Variants in PDGFB observed in about 807,000 individuals in gnomAD.
The protein encoded by PDGFB is platelet derived growth factor subunit B.
In PDGFB, 6 loss-of-function variants were observed where a neutral mutation model predicts 29.0. The ratio of observed to expected loss-of-function variants is 0.21; its 90% confidence interval spans 0.11 to 0.41. PDGFB has a LOEUF of 0.41. PDGFB is among the 10% of genes least tolerant of loss of function. PDGFB has a pLI of 1.00. For synonymous variants in PDGFB, 144 were observed against 140.8 expected (o/e 1.02, Z -0.16); for missense variants, 299 against 341.8 (o/e 0.87, Z 0.99).
chr22:39,230,497 C>T (rs559711107), intron 4 of PDGFB, among the ~76,000 whole-genome samples: 25 of 152,356 alleles, frequency 1.6e-4, no homozygotes, highest in South Asian at 4.1e-4. Flanking sequence ...AAGGCATTTC[C>T]GGGTTGAGCT....
At chr22:39,241,259 T>C in intron 1 of PDGFB, 1 of 420,378 alleles carries the variant, frequency 2.4e-6, no homozygotes, top group South Asian at 2.7e-5. Flanking sequence ...GCCTGCCGTC[T>C]GCTGAAAGAT....
Position 39,224,229 on chromosome 22 carries a change from T to C in PDGFB, c.*1113A>G, listed in dbSNP as rs1932111064. 1 of 152,216 alleles carries C rather than the reference T, an allele frequency of 6.6e-6. No individual in the cohort carries two copies. The highest frequency in any genetic ancestry group is 2.4e-5 in the African/African-American group (1 of 41,434). 9.4% of individuals were successfully genotyped at this position (152,216 alleles called of 1,614,324 possible). ...GTCCACAAGGAGTCTTTGTGTGAAT[T>C]AGGAAAAGGATCCTTTTCCTCTTTA... is the stretch of plus-strand genomic sequence containing the variant. On this transcript the variant is annotated 3_prime_UTR_variant, in exon 7 of 7. Coordinates refer to ENST00000331163, the MANE Select transcript of PDGFB (RefSeq NM_002608.4).
intron 1 of PDGFB, chr22:39,240,765 C>T: frequency 6.9e-7 from 1 of 1,458,460 alleles, no homozygotes; most frequent in Non-Finnish European, 9.6e-7. Flanking sequence ...AGGTAATAAA[C>T]AATGAAATAA....
In PDGFB at chr22:39,244,617, G is replaced by A. The variant is rs1362689957; in HGVS notation, c.-654C>T. On this transcript the variant is annotated 5_prime_UTR_variant, in exon 1 of 7. Coordinates refer to ENST00000331163, the MANE Select transcript of PDGFB (RefSeq NM_002608.4). The surrounding 1 kb of genome is among the most constrained non-coding windows in gnomAD (Gnocchi z 4.5). ...GGCGGCGGGCACGGCTGCTCCGCGC[G>A]CGCGGCGTGCCCGCTGCGCGCTCGG... The A allele has an allele frequency of 6.6e-6, 1 of 152,320 alleles. No individual in the cohort carries two copies. Among genetic ancestry groups the A allele is most frequent in the African/African-American group, 2.4e-5 (1 of 41,000 alleles). The allele number at this position is 152,320 out of a possible 1,614,324, so 9.4% of individuals were successfully genotyped here.
In PDGFB at chr22:39,231,945, G is replaced by A. The variant is rs2146439868; in HGVS notation, c.251-118C>T. 2.4e-6 allele frequency: 2 copies of A among 825,794 alleles called. No individual in the cohort carries two copies. Among genetic ancestry groups the A allele is most frequent in the Admixed American group, 2.5e-5 (1 of 39,428 alleles). 51.2% of individuals were successfully genotyped at this position (825,794 alleles called of 1,614,324 possible). A position where few individuals can be genotyped will look rare whatever the true frequency, so the allele number is the denominator to read the frequency against. On this transcript the variant is annotated intron_variant, in intron 3 of 6. Transcript: ENST00000331163. The surrounding 1 kb of genome is among the most constrained non-coding windows in gnomAD (Gnocchi z 4.3). The stretch of plus-strand genomic sequence containing the variant: ...CTTTCTCACGCCCTTCAACCCCAGG[G>A]TTCAGGTTTCAAGTCCTGGCTGTCA...
At position 39,244,187 on chromosome 22, in the gene PDGFB, C is replaced by G. The variant is rs997617187; in HGVS notation, c.-224G>C. On this transcript the variant is annotated 5_prime_UTR_variant, in exon 1 of 7. Coordinates refer to ENST00000331163, the MANE Select transcript of PDGFB (RefSeq NM_002608.4). The surrounding 1 kb of genome is among the most constrained non-coding windows in gnomAD (Gnocchi z 4.5). ...GGCAGGGGAGGACCTGGGCGCAGGA[C>G]CTGGGTCCGAGGCCGCTACCTGGGC... is the stretch of plus-strand genomic sequence containing the variant. The G allele has an allele frequency of 2.5e-5, 7 of 279,142 alleles. No homozygotes were observed. The highest frequency in any genetic ancestry group is 1.3e-4 in the African/African-American group (6 of 45,226). 17.3% of individuals were successfully genotyped at this position (279,142 alleles called of 1,614,324 possible).
intron 4 of PDGFB, 119 bp from the exon 5 acceptor site, chr22:39,230,347 C>A: frequency 1.0e-6 from 1 of 1,001,512 alleles, no homozygotes; most frequent in Non-Finnish European, 1.5e-6. Context: ...CTCGAAAGCC[C>A]GGAGAGCAGG....
chr22:39,242,052 C>T lies in PDGFB; in HGVS notation c.63+1849G>A, dbSNP rs1227415315. The T allele has an allele frequency of 1.7e-5, 4 of 231,364 alleles. No homozygotes were observed. The East Asian group carries it at 2.4e-4, about 14-fold the overall frequency. 14.3% of individuals were successfully genotyped at this position (231,364 alleles called of 1,614,324 possible). ...CTGTTGCGCGGGGGCGAGCACCAGGCGCTGGGTGCACGGGGGCCCGTGCGT... is the reference window on the plus strand; with the variant it reads ...CTGTTGCGCGGGGGCGAGCACCAGGTGCTGGGTGCACGGGGGCCCGTGCGT... On this transcript the variant is annotated intron_variant, in intron 1 of 6. Coordinates refer to ENST00000331163, the MANE Select transcript of PDGFB (RefSeq NM_002608.4). The surrounding 1 kb of genome is among the most constrained non-coding windows in gnomAD (Gnocchi z 5.7).
chr22:39,229,216 T>G (rs9611122), intron 5 of PDGFB, among the ~76,000 whole-genome samples: 56,458 of 151,906 alleles, frequency 0.37, 11,021 homozygotes, highest in Middle Eastern at 0.49. Context: ...AGGCAGGGTC[T>G]TGCTCTGTTG....
rs767328817 is a variant in PDGFB, at chr22:39,233,512, G to A, written c.173C>T (p.Ala58Val). 1 of 1,588,270 alleles carries A rather than the reference G, an allele frequency of 6.3e-7. No homozygotes were observed. The highest frequency in any genetic ancestry group is 8.6e-7 in the Non-Finnish European group (1 of 1,169,158). ...LHGDPGEEDG[A>V]ELDLNMTRSH... ...GCGGGTCATGTTCAGGTCCAACTCG[G>A]CCCCATCTTCCTCTGCAGGAGAAGT... Residue 58 changes from alanine (A) to valine (V), a missense_variant, in exon 3 of 7, where the codon GCC (alanine) becomes GTC (valine). By Grantham distance (64) the Ala-to-Val change is moderately conservative (BLOSUM62 0). Transcript: ENST00000331163.
Position 39,231,895 on chromosome 22 carries a change from C to A in PDGFB, c.251-68G>T. ...AGAGTCCCCCCACTTGGCAGGGGAG[C>A]TCAGCGGGTGCCTCCGGGACTGCTC... On this transcript the variant is annotated intron_variant, in intron 3 of 6. Coordinates refer to ENST00000331163, the MANE Select transcript of PDGFB (RefSeq NM_002608.4). This position sits in a 1 kb window ranked among gnomAD's most constrained non-coding sequence, Gnocchi z 4.3. The A allele has an allele frequency of 1.4e-6, 2 of 1,386,694 alleles. No individual in the cohort carries two copies. Among genetic ancestry groups the A allele is most frequent in the Non-Finnish European group, 2.0e-6 (2 of 1,005,464 alleles). The allele number at this position is 1,386,694 out of a possible 1,614,324, so 85.9% of individuals were successfully genotyped here.
In PDGFB at chr22:39,231,813, C is replaced by G. The variant is rs1228462554; in HGVS notation, c.265G>C (p.Ala89Pro). The change falls in exon 4 of 7, where the codon GCT becomes CCT. Residue 89 changes from alanine to proline, a missense_variant. By Grantham distance (27) the Ala-to-Pro change is conservative. Coordinates refer to ENST00000331163, the MANE Select transcript of PDGFB (RefSeq NM_002608.4). This position sits in a 1 kb window ranked among gnomAD's most constrained non-coding sequence, Gnocchi z 4.3. ...CACTCGGCGATCATGGCCGGCTCAG[C>G]AATGGTCAGGGAACCTGGGAGGAGA... Reference protein sequence around the residue: ...GRRSLGSLTIAEPAMIAECKT... With the variant: ...GRRSLGSLTIPEPAMIAECKT... 3 of 1,613,194 alleles carry G rather than the reference C, an allele frequency of 1.9e-6. No homozygotes were observed. In the African/African-American group the frequency reaches 4.0e-5, roughly 21 times the overall value.
rs1353127026 is a variant in PDGFB, at chr22:39,231,226, G to A, written c.456+396C>T. ...CAGCCCTGAATAGGGAGAGCTTTGG[G>A]GGAACCTGAGTAGCTCCCCAAAACA... is the stretch of plus-strand genomic sequence containing the variant. On this transcript the variant is annotated intron_variant, in intron 4 of 6. Coordinates refer to ENST00000331163, the MANE Select transcript of PDGFB (RefSeq NM_002608.4). The surrounding 1 kb of genome is among the most constrained non-coding windows in gnomAD (Gnocchi z 4.3). Among the ~76,000 whole-genome samples, 1 of 152,250 alleles carries A rather than the reference G, an allele frequency of 6.6e-6. No homozygotes were observed. The highest frequency in any genetic ancestry group is 1.5e-5 in the Non-Finnish European group (1 of 68,046).
intron 5 of PDGFB, 61 bp downstream of exon 5, chr22:39,230,023 C>T: frequency 1.3e-6 from 2 of 1,577,826 alleles, no homozygotes; most frequent in South Asian, 1.1e-5. Context: ...TTAAGACCGG[C>T]CCCTGCCCCC....
intron 1 of PDGFB, among the ~76,000 whole-genome samples, chr22:39,237,553 G>A (rs940717926): frequency 6.6e-6 from 1 of 152,206 alleles, no homozygotes; most frequent in Non-Finnish European, 1.5e-5. Context: ...ATCTCCTCCG[G>A]GCTCTGCCTC....
intron 1 of PDGFB, chr22:39,241,105 C>T: frequency 1.7e-6 from 1 of 596,896 alleles, no homozygotes. Flanking sequence ...GCAGTGGGGC[C>T]CTTCACTCTT....
Position 39,231,520 on chromosome 22 carries a change from C to G in PDGFB, c.456+102G>C. The G allele has an allele frequency of 1.2e-6, 1 of 855,802 alleles. No homozygotes were observed. The highest frequency in any genetic ancestry group is 1.8e-6 in the Non-Finnish European group (1 of 565,292). 53.0% of individuals were successfully genotyped at this position (855,802 alleles called of 1,614,324 possible). Reference sequence around the variant, plus strand: ...CAAATCAGGAATGTCCTTCGACACACCACTCTGCCCAGTCAAGGAAGCCTG... The same window carrying G: ...CAAATCAGGAATGTCCTTCGACACAGCACTCTGCCCAGTCAAGGAAGCCTG... On this transcript the variant is annotated intron_variant, in intron 4 of 6. Coordinates refer to ENST00000331163, the MANE Select transcript of PDGFB (RefSeq NM_002608.4). This position sits in a 1 kb window ranked among gnomAD's most constrained non-coding sequence, Gnocchi z 4.3.
chr22:39,225,588 C>G, intron 6 of PDGFB, 107 bp downstream of exon 6: 1 of 1,157,746 alleles, frequency 8.6e-7, no homozygotes. Context: ...GACCAAGGCT[C>G]AGAGGCTGGA....
At chr22:39,238,213 G>A (rs1932490229) in intron 1 of PDGFB, among the ~76,000 whole-genome samples, 1 of 152,198 alleles carries the variant, frequency 6.6e-6, no homozygotes, top group African/African-American at 2.4e-5. Context: ...GAGGCACATA[G>A]TAGGTCCTCG....
Sources: gnomAD v4.1 joint callset for allele counts (sites outside exome capture counted in the v4.1 genomes callset) on GRCh38, gnomAD v4.1.1 for gene constraint, Gnocchi (gnomAD v3.1) non-coding constraint, MANE v1.5 for transcripts, NCBI Gene and HGNC (gene_info 2026-07-23, HGNC 2026-07-21) for gene names.